NFIX: variants seen among roughly 807,000 people sequenced by gnomAD.
NFIX encodes the protein nuclear factor 1 X-type.
A neutral mutation model predicts 53.3 loss-of-function variants in NFIX; 2 were observed. The ratio of observed to expected loss-of-function variants is 0.04; its 90% CI spans 0.02 to 0.12. NFIX has a LOEUF of 0.12. Ranked by LOEUF, NFIX falls within the 10% of genes least tolerant of loss-of-function variation. The probability of loss-of-function intolerance (pLI) is 1.00; values close to 1 mark genes in which losing one functional copy is unlikely to be tolerated. For synonymous variants in NFIX, 244 were observed against 289.0 expected, an observed-to-expected ratio of 0.84 and a Z score of 1.58; for missense variants, 310 against 674.5, an observed-to-expected ratio of 0.46 and a Z score of 5.99.
Position 13,025,232 on chromosome 19 carries a change from G to A in NFIX, c.239G>A (p.Arg80His), listed in dbSNP as rs771724729. ...GCATCCCGGCTGCTGGCCAAGCTGC[G>A]CAAGGACATCCGGCCCGAGTTCCGC... ...KWASRLLAKL[R>H]KDIRPEFRED... is the part of the protein sequence containing the mutation. The change falls in exon 2 of 11, where the codon CGC (arginine) becomes CAC (histidine). Residue 80 changes from arginine (R) to histidine (H), a missense_variant. Physicochemically the swap from Arg to His is conservative, Grantham distance 29. This residue lies in a region of NFIX where 64 missense variants were observed against 144.5 expected (regional missense o/e 0.44). Coordinates refer to ENST00000592199, the MANE Select transcript of NFIX (RefSeq NM_001365902.3). This position sits in a 1 kb window ranked among gnomAD's most constrained non-coding sequence, Gnocchi z 7.5. 1 of 1,614,160 alleles carries A rather than the reference G, an allele frequency of 6.2e-7. No individual in the cohort carries two copies. The highest frequency in any genetic ancestry group is 1.3e-5 in the African/African-American group (1 of 75,054).
At chr19:13,030,428 GCTGA>G (rs2013711794) in intron 2 of NFIX, among the ~76,000 whole-genome samples, 2 of 152,190 alleles carry the variant, frequency 1.3e-5, no homozygotes, top group Non-Finnish European at 2.9e-5. Flanking sequence ...GGAGCCCAAG[GCTGA>G]CTCTCTGTCA....
At position 13,012,536 on chromosome 19, in the gene NFIX, A is replaced by C. The variant is rs2012415972; in HGVS notation, c.28-12485A>C. Among the ~76,000 whole-genome samples the C allele has an allele frequency of 6.9e-6, 1 of 145,786 alleles. No individual in the cohort carries two copies. The highest frequency in any genetic ancestry group is 6.8e-5 in the Admixed American group (1 of 14,738). The stretch of plus-strand genomic sequence containing the variant: ...ATTTGCTGCGTCAAAGGCCGCCGCC[A>C]AAAGGGGCTCCGATGTCGGCATTTT... On this transcript the variant is annotated intron_variant, in intron 1 of 10. Coordinates refer to ENST00000592199, the MANE Select transcript of NFIX (RefSeq NM_001365902.3). The surrounding 1 kb of genome is among the most constrained non-coding windows in gnomAD (Gnocchi z 5.0).
At chr19:13,031,985 C>G (rs1245502400) in intron 2 of NFIX, among the ~76,000 whole-genome samples, 1 of 152,124 alleles carries the variant, frequency 6.6e-6, no homozygotes, top group Admixed American at 6.5e-5. Context: ...CACCCCCGCC[C>G]TTCTGTCTCA....
At chr19:13,087,015 A>G (rs2017819669) in intron 8 of NFIX, among the ~76,000 whole-genome samples, 1 of 152,190 alleles carries the variant, frequency 6.6e-6, no homozygotes, top group Admixed American at 6.5e-5. Flanking sequence ...GTTTAGGATG[A>G]AGAGCGCAGG....
At position 13,073,870 on chromosome 19, in the gene NFIX, C is replaced by T. The variant is rs191772737; in HGVS notation, c.698-36C>T. ...AAACAGACCCCATCAGGCCTCCCCC[C>T]ACCTCCAAACCTCATCACCCTCTCG... On this transcript the variant is annotated intron_variant, in intron 4 of 10. Coordinates refer to ENST00000592199, the MANE Select transcript of NFIX (RefSeq NM_001365902.3). This position sits in a 1 kb window ranked among gnomAD's most constrained non-coding sequence, Gnocchi z 4.5. The T allele has an allele frequency of 6.2e-6, 10 of 1,613,786 alleles. No homozygotes were observed. The highest frequency in any genetic ancestry group is 8.5e-6 in the Non-Finnish European group (10 of 1,179,802).
chr19:13,056,877 T>C (rs1282461609), intron 2 of NFIX, among the ~76,000 whole-genome samples: 2 of 152,246 alleles, frequency 1.3e-5, no homozygotes, highest in Admixed American at 1.3e-4. Flanking sequence ...GCCCACTGGT[T>C]CAGGGGCTGT....
At chr19:12,997,619 T>C (rs1408677007) in intron 1 of NFIX, among the ~76,000 whole-genome samples, 1 of 152,170 alleles carries the variant, frequency 6.6e-6, no homozygotes, top group Non-Finnish European at 1.5e-5. Flanking sequence ...GTGTGGCCGA[T>C]GTTTGGGGCC....
intron 1 of NFIX, among the ~76,000 whole-genome samples, chr19:12,997,499 A>AC (rs1599693502): frequency 6.6e-6 from 1 of 152,180 alleles, no homozygotes; most frequent in East Asian, 1.9e-4. Flanking sequence ...GGGAACCCCC[A>AC]CATCTGCACC....
rs189868073 is a variant in NFIX, at chr19:13,028,266, A to G, written c.559+2714A>G. ...CCTTCCAGGATGATAAACTGGGGAC[A>G]GGGGCCGGGATGGCACAGGCTCAGA... On this transcript the variant is annotated intron_variant, in intron 2 of 10. Transcript: ENST00000592199. The surrounding 1 kb of genome is among the most constrained non-coding windows in gnomAD (Gnocchi z 4.2). Among the ~76,000 whole-genome samples the G allele has an allele frequency of 6.6e-6, 1 of 152,250 alleles. No homozygotes were observed. Among genetic ancestry groups the G allele is most frequent in the Non-Finnish European group, 1.5e-5 (1 of 68,042 alleles).
At chr19:13,004,553 T>G (rs776496280) in intron 1 of NFIX, among the ~76,000 whole-genome samples, 12 of 152,158 alleles carry the variant, frequency 7.9e-5, no homozygotes, top group Non-Finnish European at 1.8e-4. Context: ...AGACCTGCCC[T>G]GGTGGCACCT....
rs1249021809 is a variant in NFIX at position 13,006,490 on chromosome 19, C to A, written c.27+10626C>A. On this transcript the variant is annotated intron_variant, in intron 1 of 10. Coordinates refer to ENST00000592199, the MANE Select transcript of NFIX (RefSeq NM_001365902.3). The surrounding 1 kb of genome is among the most constrained non-coding windows in gnomAD (Gnocchi z 5.6). ...GGCCTTTCCTTTACAGAAACTGGGGCTTGATGGGCACTGGGTATTCGCAAC... is the reference window on the plus strand; with the variant it reads ...GGCCTTTCCTTTACAGAAACTGGGGATTGATGGGCACTGGGTATTCGCAAC... Among the ~76,000 whole-genome samples, 1 of 152,204 alleles carries A rather than the reference C, an allele frequency of 6.6e-6. No homozygotes were observed. Among genetic ancestry groups the A allele is most frequent in the East Asian group, 1.9e-4 (1 of 5,194 alleles).
rs1411908306 is a variant in NFIX at position 13,013,078 on chromosome 19, T to G, written c.28-11943T>G. Among the ~76,000 whole-genome samples, 1 of 149,672 alleles carries G rather than the reference T, an allele frequency of 6.7e-6. No individual in the cohort carries two copies. The highest frequency in any genetic ancestry group is 2.0e-4 in the East Asian group (1 of 4,984). ...TGCGCAGACTCTAAAAAAAAAACCT[T>G]TAAAAACCCAAAACCTCCCCTCCAA... On this transcript the variant is annotated intron_variant, in intron 1 of 10. Transcript: ENST00000592199. The surrounding 1 kb of genome is among the most constrained non-coding windows in gnomAD (Gnocchi z 5.9).
In NFIX at chr19:13,084,305, G is replaced by A. The variant is rs192600007; in HGVS notation, c.1254+2450G>A. On this transcript the variant is annotated intron_variant, in intron 8 of 10. Coordinates refer to ENST00000592199, the MANE Select transcript of NFIX (RefSeq NM_001365902.3). ...CTAAAATACAAAAAATTAGCTGGACGTGGTGGCGTGTGCCTGTAGTCCCAG... is the reference window on the plus strand; with the variant it reads ...CTAAAATACAAAAAATTAGCTGGACATGGTGGCGTGTGCCTGTAGTCCCAG... 1.8e-4 allele frequency among the ~76,000 whole-genome samples: 28 copies of A among 152,272 alleles called. No homozygotes were observed. In the East Asian group the frequency reaches 4.1e-3, roughly 22 times the overall value.
In NFIX at chr19:13,039,239, CAT is replaced by C. The variant is rs1466568017; in HGVS notation, c.559+13689_559+13690del. 2.6e-3 allele frequency among the ~76,000 whole-genome samples: 383 copies of C among 148,544 alleles called. 5 individuals are homozygous for C. Among genetic ancestry groups the C allele is most frequent in the African/African-American group, 8.9e-3 (342 of 38,338 alleles). On this transcript the variant is annotated intron_variant, in intron 2 of 10. Transcript: ENST00000592199. Reference sequence around the variant, plus strand: ...TTAAACACCCCCCCCCACACACACACATACACGTGTGTGTGTGTGTGTAGGGT... The same window carrying C: ...TTAAACACCCCCCCCCACACACACACACACGTGTGTGTGTGTGTGTAGGGT...
intron 1 of NFIX, among the ~76,000 whole-genome samples, chr19:12,999,767 T>G (rs1464335472): frequency 6.6e-6 from 1 of 152,218 alleles, no homozygotes; most frequent in Non-Finnish European, 1.5e-5. Flanking sequence ...TGATGCCCCC[T>G]TCCCCCAGCT....
chr19:13,031,280 T>C (rs1163028418), intron 2 of NFIX, among the ~76,000 whole-genome samples: 2 of 152,132 alleles, frequency 1.3e-5, no homozygotes, highest in African/African-American at 2.4e-5. Flanking sequence ...AAGAGTCACC[T>C]TTGTCGGAGC....
In NFIX at chr19:13,090,272, T is replaced by TC. The variant is rs758723832; in HGVS notation, c.1403-26dup. Reference sequence around the variant, plus strand: ...GTGGGCCCCAAGGCCTGACAGGGTCTCTCCCTCTCTCCCCTGCTCCCCACA... The same window carrying TC: ...GTGGGCCCCAAGGCCTGACAGGGTCTCCTCCCTCTCTCCCCTGCTCCCCACA... On this transcript the variant is annotated intron_variant, in intron 9 of 10. Transcript: ENST00000592199. This position sits in a 1 kb window ranked among gnomAD's most constrained non-coding sequence, Gnocchi z 6.6. The TC allele has an allele frequency of 6.2e-7, 1 of 1,611,658 alleles. No homozygotes were observed. Among genetic ancestry groups the TC allele is most frequent in the Non-Finnish European group, 8.5e-7 (1 of 1,177,884 alleles).
rs1210690362 is a variant in NFIX, at chr19:12,998,472, TCTC to T, written c.27+2611_27+2613del. On this transcript the variant is annotated intron_variant, in intron 1 of 10. Transcript: ENST00000592199. The surrounding 1 kb of genome is among the most constrained non-coding windows in gnomAD (Gnocchi z 4.4). ...CGAGGGGGAAGGGCGGGGGGAAAAA[TCTC>T]CTTCTAGAAAAAGCATCGAAATTCA... Among the ~76,000 whole-genome samples the T allele has an allele frequency of 1.3e-5, 2 of 151,524 alleles. No homozygotes were observed. Among genetic ancestry groups the T allele is most frequent in the Non-Finnish European group, 1.5e-5 (1 of 67,860 alleles).
rs2018577905 is a variant in NFIX at position 13,098,173 on chromosome 19, C to T, written c.*3524C>T. 1 of 151,982 alleles carries T rather than the reference C, an allele frequency of 6.6e-6. No homozygotes were observed. The highest frequency in any genetic ancestry group is 6.5e-5 in the Admixed American group (1 of 15,278). The allele number at this position is 151,982 out of a possible 1,614,324, so 9.4% of individuals were successfully genotyped here. On this transcript the variant is annotated 3_prime_UTR_variant, in exon 11 of 11. Transcript: ENST00000592199. Reference sequence around the variant, plus strand: ...CCCTGACCGTGCTGAACAGACCCCCCCACACGAGAGAAAATAAAGGAGCAA... The same window carrying T: ...CCCTGACCGTGCTGAACAGACCCCCTCACACGAGAGAAAATAAAGGAGCAA...
Sources: gnomAD v4.1 joint callset for allele counts (sites outside exome capture counted in the v4.1 genomes callset) on GRCh38, gnomAD v4.1.1 for gene constraint, gnomAD v4.1.1 regional missense constraint, Gnocchi (gnomAD v3.1) non-coding constraint, MANE v1.5 for transcripts, NCBI Gene and HGNC (gene_info 2026-07-23, HGNC 2026-07-21) for gene names.